Variants in DCC observed in about 807,000 individuals in gnomAD.
DCC encodes netrin receptor DCC.
In DCC, 58 loss-of-function variants were observed where a neutral mutation model predicts 172.5. That is an observed-to-expected ratio of 0.34 (90% CI 0.27 to 0.42). The LOEUF is 0.42. Ranked by LOEUF, DCC falls within the 10% of genes least tolerant of loss-of-function variation. The probability of loss-of-function intolerance (pLI) is 1.00; values close to 1 mark genes in which losing one functional copy is unlikely to be tolerated. For synonymous variants in DCC, 709 were observed against 644.5 expected (o/e 1.10, Z -1.52); for missense variants, 1,740 against 1,791.0 (o/e 0.97, Z 0.51).
chr18:53,161,710 T>G (rs8095327), intron 8 of DCC, among the ~76,000 whole-genome samples: 1 of 151,960 alleles, frequency 6.6e-6, no homozygotes, highest in African/African-American at 2.4e-5. Flanking sequence ...TTCCCCCCAC[T>G]TTTGAAATCT....
intron 12 of DCC, among the ~76,000 whole-genome samples, chr18:53,261,000 G>A (rs987245638): frequency 2.6e-5 from 4 of 152,110 alleles, no homozygotes; most frequent in East Asian, 1.9e-4. Context: ...GACCCTCCAC[G>A]CCAGGCACTG....
chr18:52,908,102 G>T (rs956626054), intron 3 of DCC, among the ~76,000 whole-genome samples: 1 of 152,202 alleles, frequency 6.6e-6, no homozygotes, highest in Non-Finnish European at 1.5e-5. Flanking sequence ...ACATCTCAAA[G>T]TATGGATGTT....
At chr18:53,028,570 G>C (rs980923687) in intron 5 of DCC, among the ~76,000 whole-genome samples, 2 of 151,962 alleles carry the variant, frequency 1.3e-5, no homozygotes, top group Admixed American at 6.6e-5. Flanking sequence ...TCTAATTCAG[G>C]CTAGTTTAAT....
intron 1 of DCC, among the ~76,000 whole-genome samples, chr18:52,440,920 G>A (rs1327889805): frequency 6.6e-6 from 1 of 152,152 alleles, no homozygotes; most frequent in African/African-American, 2.4e-5. Context: ...AAAGGTACAA[G>A]TAATTTCATA....
At chr18:53,373,529 C>G (rs2058080314) in intron 15 of DCC, among the ~76,000 whole-genome samples, 1 of 152,112 alleles carries the variant, frequency 6.6e-6, no homozygotes, top group Non-Finnish European at 1.5e-5. Flanking sequence ...AGTTATTATT[C>G]TTTACCAGTT....
rs147416358 is a variant in DCC at position 52,396,903 on chromosome 18, T to A, written c.91+56025T>A. Among the ~76,000 whole-genome samples the A allele has an allele frequency of 7.0e-3, 1,060 of 152,158 alleles. 7 individuals are homozygous for A. The highest frequency in any genetic ancestry group is 0.011 in the Non-Finnish European group (729 of 67,962). On this transcript the variant is annotated intron_variant, in intron 1 of 28. Coordinates refer to ENST00000442544, the MANE Select transcript of DCC (RefSeq NM_005215.4). ...GTGTGATCCTCTAAGAGAGGGCATATGTTTTCTTAATTTTTCCTTAGCTGA... is the reference window on the plus strand; with the variant it reads ...GTGTGATCCTCTAAGAGAGGGCATAAGTTTTCTTAATTTTTCCTTAGCTGA...
At chr18:53,182,114 A>G (rs1408629288) in intron 9 of DCC, among the ~76,000 whole-genome samples, 1 of 152,244 alleles carries the variant, frequency 6.6e-6, no homozygotes, top group Non-Finnish European at 1.5e-5. Context: ...CGTAAATGAT[A>G]AGGCATAAAA....
intron 2 of DCC, among the ~76,000 whole-genome samples, chr18:52,858,067 AATT>A (rs2039081130): frequency 1.3e-5 from 2 of 152,182 alleles, no homozygotes; most frequent in African/African-American, 2.4e-5. Flanking sequence ...TAGTCAAAAC[AATT>A]ATTGTTGTTT....
intron 12 of DCC, among the ~76,000 whole-genome samples, chr18:53,301,192 C>T (rs142218219): frequency 6.6e-5 from 10 of 151,380 alleles, no homozygotes; most frequent in East Asian, 1.9e-4. Context: ...CGGGTTCAAG[C>T]GATTCTCCTG....
intron 21 of DCC, 168 bp downstream of exon 21, chr18:53,416,324 G>A (rs760593489): frequency 2.5e-5 from 18 of 707,940 alleles, no homozygotes; most frequent in Non-Finnish European, 3.9e-5. Flanking sequence ...CTGAGGCTGC[G>A]GCTCTGATAA....
intron 5 of DCC, among the ~76,000 whole-genome samples, chr18:52,961,456 C>T (rs2040841415): frequency 1.3e-5 from 2 of 152,096 alleles, no homozygotes; most frequent in South Asian, 2.1e-4. Flanking sequence ...TTCTGTACCA[C>T]AATAATGGAT....
intron 7 of DCC, among the ~76,000 whole-genome samples, chr18:53,128,078 C>A (rs1003003082): frequency 6.6e-6 from 1 of 152,090 alleles, no homozygotes; most frequent in South Asian, 2.1e-4. Flanking sequence ...AAAGACAACA[C>A]TCATTTAAGT....
intron 1 of DCC, among the ~76,000 whole-genome samples, chr18:52,563,588 G>A (rs1393931755): frequency 6.6e-6 from 1 of 152,118 alleles, no homozygotes; most frequent in Non-Finnish European, 1.5e-5. Flanking sequence ...AAGGTCAGTT[G>A]TTTCCTAGTG....
intron 2 of DCC, among the ~76,000 whole-genome samples, chr18:52,785,141 C>T (rs189519273): frequency 8.0e-4 from 121 of 152,116 alleles, no homozygotes; most frequent in Middle Eastern, 3.4e-3. Flanking sequence ...TCCAGTTAAT[C>T]GACACCATCT....
In DCC at chr18:52,340,862, G is replaced by C. The variant is rs1023954603; in HGVS notation, c.75G>C (p.Ala25=). 6.2e-7 allele frequency: 1 copy of C among 1,613,362 alleles called. No homozygotes were observed. Among genetic ancestry groups the C allele is most frequent in the East Asian group, 2.2e-5 (1 of 44,864 alleles). ...FVLFGASLFS[A]HLQVTGFQIK... is the part of the protein sequence containing the mutation. ...TCTTCGGAGCTTCCTTGTTCAGCGC[G>C]CATCTTCAAGTAACCGGTAAGTGGC... The change falls in exon 1 of 29, where the codon GCG becomes GCC. Residue 25 remains alanine (A), a synonymous_variant. Coordinates refer to ENST00000442544, the MANE Select transcript of DCC (RefSeq NM_005215.4).
intron 3 of DCC, among the ~76,000 whole-genome samples, chr18:52,919,335 TTAATC>T (rs1393254552): frequency 1.3e-5 from 2 of 152,332 alleles, no homozygotes; most frequent in East Asian, 3.9e-4. Flanking sequence ...TTTTTGATCA[TTAATC>T]TAGCACAAAG....
At chr18:52,567,659 T>G (rs1598918954) in intron 1 of DCC, among the ~76,000 whole-genome samples, 1 of 152,168 alleles carries the variant, frequency 6.6e-6, no homozygotes, top group East Asian at 1.9e-4. Flanking sequence ...ACAGAGATTC[T>G]AAAGCAGGGA....
At chr18:53,038,580 C>T (rs2042126024) in intron 5 of DCC, among the ~76,000 whole-genome samples, 1 of 151,996 alleles carries the variant, frequency 6.6e-6, no homozygotes, top group African/African-American at 2.4e-5. Context: ...AAATCATCTC[C>T]TTTAGATAGC....
rs10671545 is a variant in DCC at position 53,351,443 on chromosome 18, G to GTATATATA, written c.2359+11543_2359+11550dup. Reference sequence around the variant, plus strand: ...CACACTGTGTATATATATATACAGTGTATATATATATATACACAGTGTGTA... The same window carrying GTATATATA: ...CACACTGTGTATATATATATACAGTGTATATATATATATATATATATACACAGTGTGTA... On this transcript the variant is annotated intron_variant, in intron 15 of 28. Coordinates refer to ENST00000442544, the MANE Select transcript of DCC (RefSeq NM_005215.4). Among the ~76,000 whole-genome samples, 66 of 31,900 alleles carry GTATATATA rather than the reference G, an allele frequency of 2.1e-3. 13 individuals are homozygous for GTATATATA. Among genetic ancestry groups the GTATATATA allele is most frequent in the African/African-American group, 7.7e-3 (59 of 7,692 alleles). The allele number at this position is 31,900 out of a possible 152,430, so 20.9% of individuals were successfully genotyped here.
Sources: allele counts gnomAD v4.1 joint callset (sites outside exome capture counted in the v4.1 genomes callset), GRCh38; gene constraint gnomAD v4.1.1; transcripts MANE v1.5; gene names NCBI Gene and HGNC (gene_info 2026-07-23, HGNC 2026-07-21).